Variants in YPEL2 observed in about 807,000 individuals in gnomAD.
The protein encoded by YPEL2 is protein yippee-like 2.
In YPEL2, 2 loss-of-function variants were observed where a neutral mutation model predicts 19.1. The observed-to-expected ratio is 0.10, with a 90% CI of 0.04 to 0.33. The LOEUF is 0.33. Ranked by LOEUF, YPEL2 falls within the 10% of genes least tolerant of loss-of-function variation. The pLI, the probability that YPEL2 is intolerant of heterozygous loss-of-function variation, is 1.00. For missense variants in YPEL2, 66 were observed against 140.7 expected (o/e 0.47, Z 2.68); for synonymous variants, 52 against 50.0 (o/e 1.04, Z -0.17).
intron 2 of YPEL2, among the ~76,000 whole-genome samples, chr17:59,367,577 T>C (rs2047876669): frequency 6.6e-6 from 1 of 152,226 alleles, no homozygotes; most frequent in Non-Finnish European, 1.5e-5. Flanking sequence ...CTGGTTTACT[T>C]AACCCTAGGT....
At chr17:59,334,571 AACAC>A (rs35386954) in intron 1 of YPEL2, among the ~76,000 whole-genome samples, 40,823 of 145,052 alleles carry the variant, frequency 0.28, 6,311 homozygotes, top group Middle Eastern at 0.39. Context: ...TTCAGGCACA[AACAC>A]ACACACACAC....
chr17:59,353,598 T>G lies in YPEL2; in HGVS notation c.117+72T>G. 1 of 1,122,826 alleles carries G rather than the reference T, an allele frequency of 8.9e-7. No homozygotes were observed. Among genetic ancestry groups the G allele is most frequent in the Non-Finnish European group, 1.4e-6 (1 of 734,856 alleles). 69.6% of individuals were successfully genotyped at this position (1,122,826 alleles called of 1,614,324 possible). A position where few individuals can be genotyped will look rare whatever the true frequency, so the allele number is the denominator to read the frequency against. On this transcript the variant is annotated intron_variant, in intron 2 of 4. Transcript: ENST00000312655. The surrounding 1 kb of genome is among the most constrained non-coding windows in gnomAD (Gnocchi z 4.8). The stretch of plus-strand genomic sequence containing the variant: ...TTAGTGCTCCTGAAGTTGCAGAGGT[T>G]TACAAGCTCTCAAGAATATTTGTAC...
At chr17:59,358,182 C>T (rs975433158) in intron 2 of YPEL2, among the ~76,000 whole-genome samples, 3 of 152,150 alleles carry the variant, frequency 2.0e-5, no homozygotes, top group Non-Finnish European at 2.9e-5. Context: ...GTGAGGAGCC[C>T]TGGCCTGACT....
At chr17:59,386,229 A>G (rs1184999974) in intron 2 of YPEL2, among the ~76,000 whole-genome samples, 1 of 151,788 alleles carries the variant, frequency 6.6e-6, no homozygotes, top group Non-Finnish European at 1.5e-5. Context: ...CTGGAGGCTC[A>G]GGCAGGAGGA....
intron 1 of YPEL2, among the ~76,000 whole-genome samples, chr17:59,334,240 A>T (rs1184722738): frequency 6.6e-6 from 1 of 152,108 alleles, no homozygotes; most frequent in African/African-American, 2.4e-5. Context: ...CATTGTCGTA[A>T]TGATTTTCAC....
At chr17:59,346,215 C>T (rs1286939392) in intron 1 of YPEL2, among the ~76,000 whole-genome samples, 1 of 152,270 alleles carries the variant, frequency 6.6e-6, no homozygotes, top group African/African-American at 2.4e-5. Flanking sequence ...CCAGCCAGGG[C>T]TGCTTTCATT....
chr17:59,351,424 G>A (rs1365634735), intron 1 of YPEL2, among the ~76,000 whole-genome samples: 1 of 152,016 alleles, frequency 6.6e-6, no homozygotes, highest in East Asian at 1.9e-4. Context: ...GAAACTCCAA[G>A]CAGGGTACTT....
chr17:59,397,694 C>T lies in YPEL2; in HGVS notation c.*504C>T, dbSNP rs1348670656. ...GAAATAATTGACTTGTCTAAAAGGA[C>T]AAAGAGAAAAAAAAAATACCTCATG... On this transcript the variant is annotated 3_prime_UTR_variant, in exon 5 of 5. Coordinates refer to ENST00000312655, the MANE Select transcript of YPEL2 (RefSeq NM_001005404.4). The T allele has an allele frequency of 1.3e-5, 2 of 151,450 alleles. No individual in the cohort carries two copies. Among genetic ancestry groups the T allele is most frequent in the African/African-American group, 2.4e-5 (1 of 41,198 alleles). 9.4% of individuals were successfully genotyped at this position (151,450 alleles called of 1,614,324 possible).
At chr17:59,390,288 CA>C (rs2048001250) in intron 4 of YPEL2, among the ~76,000 whole-genome samples, 1 of 152,188 alleles carries the variant, frequency 6.6e-6, no homozygotes, top group Non-Finnish European at 1.5e-5. Context: ...AGGTGTGAGC[CA>C]CCATGCCTGG....
At chr17:59,338,870 G>A (rs1297745839) in intron 1 of YPEL2, among the ~76,000 whole-genome samples, 1 of 152,126 alleles carries the variant, frequency 6.6e-6, no homozygotes, top group Non-Finnish European at 1.5e-5. Context: ...TTCAGGATGG[G>A]GAATTTGTAA....
chr17:59,349,063 A>C (rs373282332), intron 1 of YPEL2, among the ~76,000 whole-genome samples: 2 of 149,700 alleles, frequency 1.3e-5, no homozygotes, highest in East Asian at 4.0e-4. Context: ...AGTCCCAGCT[A>C]CTCGGGAGGC....
chr17:59,342,763 C>T (rs2047738181), intron 1 of YPEL2, among the ~76,000 whole-genome samples: 1 of 152,184 alleles, frequency 6.6e-6, no homozygotes, highest in Non-Finnish European at 1.5e-5. Context: ...TGAGGGATCC[C>T]TTGCCTTCTT....
At chr17:59,387,238 GAC>G (rs1386964396) in intron 2 of YPEL2, among the ~76,000 whole-genome samples, 1 of 119,076 alleles carries the variant, frequency 8.4e-6, no homozygotes, top group African/African-American at 3.5e-5. Flanking sequence ...TGGTCTGGAT[GAC>G]AGAGCAAGAC....
intron 1 of YPEL2, among the ~76,000 whole-genome samples, chr17:59,347,623 A>G (rs561132087): frequency 4.9e-4 from 75 of 152,338 alleles, no homozygotes; most frequent in African/African-American, 1.8e-3. Context: ...GAGCATGGCC[A>G]CTGAGGAAGC....
chr17:59,383,202 T>A (rs1168872041), intron 2 of YPEL2, among the ~76,000 whole-genome samples: 2 of 152,132 alleles, frequency 1.3e-5, no homozygotes, highest in Non-Finnish European at 2.9e-5. Context: ...TATATTTACA[T>A]ACAGTAAAAT....
intron 4 of YPEL2, among the ~76,000 whole-genome samples, chr17:59,391,232 A>G (rs1025488458): frequency 8.5e-5 from 13 of 152,172 alleles, no homozygotes; most frequent in Non-Finnish European, 1.6e-4. Context: ...GGAGTTGTCA[A>G]ACCTGCCGCA....
At chr17:59,335,259 T>TA (rs2047693197) in intron 1 of YPEL2, among the ~76,000 whole-genome samples, 1 of 152,214 alleles carries the variant, frequency 6.6e-6, no homozygotes, top group African/African-American at 2.4e-5. Flanking sequence ...GAGCTGTGGA[T>TA]ATAGCACTGG....
At chr17:59,349,610 C>T (rs750595952) in intron 1 of YPEL2, among the ~76,000 whole-genome samples, 4 of 151,688 alleles carry the variant, frequency 2.6e-5, no homozygotes, top group Admixed American at 1.3e-4. Context: ...CCCAAAGTGT[C>T]TGGATTACAG....
chr17:59,387,709 A>G (rs528304192), intron 2 of YPEL2, among the ~76,000 whole-genome samples: 52 of 152,330 alleles, frequency 3.4e-4, no homozygotes, highest in African/African-American at 1.2e-3. Flanking sequence ...CTGCTTCATG[A>G]GCATTTCTGT....
Sources: gnomAD v4.1 joint callset for allele counts (sites outside exome capture counted in the v4.1 genomes callset) on GRCh38, gnomAD v4.1.1 for gene constraint, Gnocchi (gnomAD v3.1) non-coding constraint, MANE v1.5 for transcripts, NCBI Gene and HGNC (gene_info 2026-07-23, HGNC 2026-07-21) for gene names.